MFGE8: variants seen among roughly 807,000 people sequenced by gnomAD.
The protein encoded by MFGE8 is milk fat globule EGF and factor V/VIII domain containing.
In MFGE8, 34 loss-of-function variants were observed where a neutral mutation model predicts 42.6. The ratio of observed to expected loss-of-function variants is 0.80; its 90% CI spans 0.61 to 1.06. The LOEUF is 1.06. Ranked by LOEUF, MFGE8 falls within the 50% of genes least tolerant of loss-of-function variation. MFGE8 has a pLI of 0.00. For synonymous variants in MFGE8, 230 were observed against 214.8 expected (o/e 1.07, Z -0.62); for missense variants, 510 against 516.9 (o/e 0.99, Z 0.13).
chr15:88,905,807 C>T lies in MFGE8; in HGVS notation c.635G>A (p.Cys212Tyr), dbSNP rs1898646204. ...AQYVRLYPTS[C>Y]HTACTLRFEL... The stretch of plus-strand genomic sequence containing the variant: ...AAAGCGCAGAGTGCAGGCCGTGTGG[C>T]AGCTCGTGGGGTACAATCTCACGTA... Residue 212 changes from cysteine to tyrosine, a missense_variant, in exon 5 of 8, where the codon TGC (cysteine) becomes TAC (tyrosine). Coordinates refer to ENST00000268150, the MANE Select transcript of MFGE8 (RefSeq NM_005928.4). This position sits in a 1 kb window ranked among gnomAD's most constrained non-coding sequence, Gnocchi z 6.6. 4.3e-6 allele frequency: 7 copies of T among 1,614,226 alleles called. No homozygotes were observed. The East Asian group carries it at 1.3e-4, about 31-fold the overall frequency.
chr15:88,909,161 G>A (rs562173215), intron 2 of MFGE8, among the ~76,000 whole-genome samples: 2 of 152,310 alleles, frequency 1.3e-5, no homozygotes, highest in South Asian at 2.1e-4. Flanking sequence ...AACTGCTGTT[G>A]CCACCCCACC....
chr15:88,905,641 C>G lies in MFGE8; in HGVS notation c.685+116G>C. 7.1e-7 allele frequency: 1 copy of G among 1,411,526 alleles called. No homozygotes were observed. The highest frequency in any genetic ancestry group is 9.9e-7 in the Non-Finnish European group (1 of 1,010,750). The allele number at this position is 1,411,526 out of a possible 1,614,324, so 87.4% of individuals were successfully genotyped here. On this transcript the variant is annotated intron_variant, in intron 5 of 7. Coordinates refer to ENST00000268150, the MANE Select transcript of MFGE8 (RefSeq NM_005928.4). The surrounding 1 kb of genome is among the most constrained non-coding windows in gnomAD (Gnocchi z 6.6). Reference sequence around the variant, plus strand: ...TGCGTTGCCCGAGTGAAGCCTGGTCCCCGTGCCTTGTTGCTGCCCTACCTA... The same window carrying G: ...TGCGTTGCCCGAGTGAAGCCTGGTCGCCGTGCCTTGTTGCTGCCCTACCTA...
At position 88,906,142 on chromosome 15, in the gene MFGE8, A is replaced by G. The variant is rs1898664952; in HGVS notation, c.541-241T>C. 6.9e-6 allele frequency: 4 copies of G among 577,314 alleles called. No individual in the cohort carries two copies. The Admixed American group carries it at 1.2e-4, about 17-fold the overall frequency. The allele number at this position is 577,314 out of a possible 1,614,324, so 35.8% of individuals were successfully genotyped here. On this transcript the variant is annotated intron_variant, in intron 4 of 7. Transcript: ENST00000268150. The surrounding 1 kb of genome is among the most constrained non-coding windows in gnomAD (Gnocchi z 4.2). ...ATGGAGCCTGGGCATAAACCCCTAT[A>G]GCTGACACAGGGCCACCTGTAACCT...
intron 2 of MFGE8, among the ~76,000 whole-genome samples, chr15:88,907,760 A>C (rs1898767739): frequency 6.6e-6 from 1 of 151,834 alleles, no homozygotes; most frequent in Non-Finnish European, 1.5e-5. Context: ...ATCTGGCAGC[A>C]ATCAGTCTGG....
intron 2 of MFGE8, 77 bp downstream of exon 2, chr15:88,909,715 C>A: frequency 6.2e-7 from 1 of 1,601,544 alleles, no homozygotes; most frequent in African/African-American, 1.3e-5. Flanking sequence ...ATAAGGCCAG[C>A]ATATGGCCTA....
intron 2 of MFGE8, among the ~76,000 whole-genome samples, chr15:88,909,444 T>G (rs2141720191): frequency 6.6e-6 from 1 of 152,340 alleles, no homozygotes; most frequent in South Asian, 2.1e-4. Context: ...TCCTTGCAAC[T>G]TAACCCTAAT....
Position 88,905,801 on chromosome 15 carries a change from G to C in MFGE8, c.641C>G (p.Thr214Arg). Residue 214 changes from threonine to arginine, a missense_variant, in exon 5 of 8, where the codon ACG becomes AGG. Thr to Arg is a moderately conservative substitution (Grantham distance 71). Coordinates refer to ENST00000268150, the MANE Select transcript of MFGE8 (RefSeq NM_005928.4). The surrounding 1 kb of genome is among the most constrained non-coding windows in gnomAD (Gnocchi z 6.6). ...TAGCTCAAAGCGCAGAGTGCAGGCC[G>C]TGTGGCAGCTCGTGGGGTACAATCT... ...YVRLYPTSCH[T>R]ACTLRFELLG... 6.2e-7 allele frequency: 1 copy of C among 1,614,204 alleles called. No individual in the cohort carries two copies. Among genetic ancestry groups the C allele is most frequent in the South Asian group, 1.1e-5 (1 of 91,082 alleles).
In MFGE8 at chr15:88,899,728, G is replaced by C; in HGVS notation, c.954C>G (p.Ser318=). Reference sequence around the variant, plus strand: ...TGTCATTACTGTAGGCAACCTTGTAGGATGCCACAAACTGGACAGAGCCAA... The same window carrying C: ...TGTCATTACTGTAGGCAACCTTGTACGATGCCACAAACTGGACAGAGCCAA... The part of the protein sequence containing the change: ...RNFGSVQFVA[S]YKVAYSNDSA... The change falls in exon 7 of 8, where the codon TCC becomes TCG. Residue 318 remains serine (S), a synonymous_variant. Transcript: ENST00000268150. This position sits in a 1 kb window ranked among gnomAD's most constrained non-coding sequence, Gnocchi z 6.8. 1.2e-6 allele frequency: 2 copies of C among 1,614,190 alleles called. No homozygotes were observed. Among genetic ancestry groups the C allele is most frequent in the South Asian group, 1.1e-5 (1 of 91,090 alleles).
intron 2 of MFGE8, among the ~76,000 whole-genome samples, chr15:88,907,834 C>G (rs576118107): frequency 6.6e-6 from 1 of 152,272 alleles, no homozygotes; most frequent in South Asian, 2.1e-4. Context: ...TGTCCCCTCC[C>G]CCCACCAGGA....
chr15:88,899,117 C>T lies in MFGE8; in HGVS notation c.*278G>A, dbSNP rs1802948. 3.8e-6 allele frequency: 2 copies of T among 528,584 alleles called. No homozygotes were observed. Among genetic ancestry groups the T allele is most frequent in the Non-Finnish European group, 6.9e-6 (2 of 291,846 alleles). 32.7% of individuals were successfully genotyped at this position (528,584 alleles called of 1,614,324 possible). A position where few individuals can be genotyped will look rare whatever the true frequency, so the allele number is the denominator to read the frequency against. ...AGGGAAACCACACGCCCTACTTTGCCCTTTCCTGTCCATCCCAGACCTACT... is the reference window on the plus strand; with the variant it reads ...AGGGAAACCACACGCCCTACTTTGCTCTTTCCTGTCCATCCCAGACCTACT... On this transcript the variant is annotated 3_prime_UTR_variant, in exon 8 of 8. Transcript: ENST00000268150. This position sits in a 1 kb window ranked among gnomAD's most constrained non-coding sequence, Gnocchi z 6.8.
chr15:88,912,001 C>A, intron 1 of MFGE8: 1 of 691,430 alleles, frequency 1.4e-6, no homozygotes, highest in Non-Finnish European at 2.2e-6. Flanking sequence ...CAGACAGAGG[C>A]TTGGGTTGGG....
chr15:88,912,093 G>A lies in MFGE8; in HGVS notation c.73+1154C>T, dbSNP rs564197477. 8.1e-5 allele frequency: 104 copies of A among 1,288,110 alleles called. No individual in the cohort carries two copies. In the African/African-American group the frequency reaches 1.5e-3, roughly 18 times the overall value. The allele number at this position is 1,288,110 out of a possible 1,614,324, so 79.8% of individuals were successfully genotyped here. ...AACGGTCCAGTGGGAAAAAGGGAAA[G>A]GGAAAGGTGTACTCTACCCAGCCAC... On this transcript the variant is annotated intron_variant, in intron 1 of 7. Transcript: ENST00000268150.
At chr15:88,907,717 A>AG (rs1898765927) in intron 2 of MFGE8, among the ~76,000 whole-genome samples, 1 of 103,286 alleles carries the variant, frequency 9.7e-6, no homozygotes, top group Non-Finnish European at 2.2e-5. Flanking sequence ...CCCCCCCGCC[A>AG]GGCTGTGGGA....
At position 88,901,669 on chromosome 15, in the gene MFGE8, C is replaced by G. The variant is rs11557312; in HGVS notation, c.752G>C (p.Ser251Thr). The G allele has an allele frequency of 1.1e-5, 18 of 1,613,952 alleles. No homozygotes were observed. The highest frequency in any genetic ancestry group is 1.6e-4 in the Middle Eastern group (1 of 6,062). The change falls in exon 6 of 8, where the codon AGC (serine) becomes ACC (threonine). Residue 251 changes from serine to threonine, a missense_variant. Ser to Thr is a moderately conservative substitution (Grantham distance 58, BLOSUM62 1). Transcript: ENST00000268150. ...GAGATGCAAGCCCCAGGTCTTGTAGCTGCTGGAGGCCGTGATCTGCTTGTC... is the reference window on the plus strand; with the variant it reads ...GAGATGCAAGCCCCAGGTCTTGTAGGTGCTGGAGGCCGTGATCTGCTTGTC... ...IPDKQITASSSYKTWGLHLFS... is the reference protein window; with the variant it reads ...IPDKQITASSTYKTWGLHLFS...
rs961376262 is a variant in MFGE8 at position 88,905,307 on chromosome 15, G to A, written c.685+450C>T. On this transcript the variant is annotated intron_variant, in intron 5 of 7. Transcript: ENST00000268150. The surrounding 1 kb of genome is among the most constrained non-coding windows in gnomAD (Gnocchi z 6.6). ...AATAAATCATTCATCGGGGCCCCAC[G>A]CCCCTCATTCATTCATTCGCTCATT... The A allele has an allele frequency of 7.7e-5, 28 of 365,606 alleles. No individual in the cohort carries two copies. Among genetic ancestry groups the A allele is most frequent in the Non-Finnish European group, 9.7e-5 (18 of 186,392 alleles). 22.6% of individuals were successfully genotyped at this position (365,606 alleles called of 1,614,324 possible). A position where few individuals can be genotyped will look rare whatever the true frequency, so the allele number is the denominator to read the frequency against.
Position 88,906,533 on chromosome 15 carries a change from G to A in MFGE8, c.540+93C>T. 6.9e-7 allele frequency: 1 copy of A among 1,458,132 alleles called. No homozygotes were observed. The highest frequency in any genetic ancestry group is 9.6e-7 in the Non-Finnish European group (1 of 1,039,662). 90.3% of individuals were successfully genotyped at this position (1,458,132 alleles called of 1,614,324 possible). A position where few individuals can be genotyped will look rare whatever the true frequency, so the allele number is the denominator to read the frequency against. The stretch of plus-strand genomic sequence containing the variant: ...GACCCACATCATAGCCAATCACCTA[G>A]GGTTCTCTGGACTCGCTGGGGGTCC... On this transcript the variant is annotated intron_variant, in intron 4 of 7. Coordinates refer to ENST00000268150, the MANE Select transcript of MFGE8 (RefSeq NM_005928.4). The surrounding 1 kb of genome is among the most constrained non-coding windows in gnomAD (Gnocchi z 4.2).
At chr15:88,901,938 C>T (rs1898455580) in intron 5 of MFGE8, 2 of 605,716 alleles carry the variant, frequency 3.3e-6, no homozygotes, top group Non-Finnish European at 3.0e-6. Context: ...TCACCTCAAC[C>T]AGCCGGGCTC....
intron 1 of MFGE8, 26 bp downstream of exon 1, chr15:88,913,221 G>A (rs1207372085): frequency 6.7e-7 from 1 of 1,495,420 alleles, no homozygotes; most frequent in Non-Finnish European, 8.9e-7. Context: ...AGGGGCGAGG[G>A]GCAGAGGGCG....
rs1306270759 is a variant in MFGE8 at position 88,905,942 on chromosome 15, G to A, written c.541-41C>T. The A allele has an allele frequency of 1.2e-6, 2 of 1,612,254 alleles. No individual in the cohort carries two copies. Among genetic ancestry groups the A allele is most frequent in the Non-Finnish European group, 8.5e-7 (1 of 1,178,442 alleles). ...CAAGACTGGAGAAGGGGGTCCATCT[G>A]AGCAGTCCCCCTCCCTGGGGTTACC... On this transcript the variant is annotated intron_variant, in intron 4 of 7. Coordinates refer to ENST00000268150, the MANE Select transcript of MFGE8 (RefSeq NM_005928.4). This position sits in a 1 kb window ranked among gnomAD's most constrained non-coding sequence, Gnocchi z 6.6.
Sources: allele counts gnomAD v4.1 joint callset (sites outside exome capture counted in the v4.1 genomes callset), GRCh38; gene constraint gnomAD v4.1.1; non-coding constraint Gnocchi (gnomAD v3.1); transcripts MANE v1.5; gene names NCBI Gene and HGNC (gene_info 2026-07-23, HGNC 2026-07-21).